The following ANKRD18B variants were observed in gnomAD, a reference collection of about 807,000 sequenced individuals.
ANKRD18B encodes the protein ankyrin repeat domain 18B.
Under a neutral mutation model 111.8 loss-of-function variants are expected in ANKRD18B, and 75 were observed. The ratio of observed to expected loss-of-function variants is 0.67; its 90% CI spans 0.56 to 0.81. The LOEUF (loss-of-function observed/expected upper bound fraction) is 0.81, where lower values mean the gene tolerates loss of function less well. ANKRD18B is among the 40% of genes least tolerant of loss of function. The pLI, the probability that ANKRD18B is intolerant of heterozygous loss-of-function variation, is 0.00. For synonymous variants in ANKRD18B, 356 were observed against 417.3 expected (o/e 0.85, Z 1.79); for missense variants, 1,038 against 1,225.5 (o/e 0.85, Z 2.28).
chr9:33,535,806 A>T (rs1828190932), intron 5 of ANKRD18B, among the ~76,000 whole-genome samples: 1 of 144,426 alleles, frequency 6.9e-6, no homozygotes, highest in Non-Finnish European at 1.5e-5. Context: ...ATTATAGATT[A>T]TATAATCTAT....
chr9:33,562,624 G>A (rs1360333482), intron 14 of ANKRD18B, among the ~76,000 whole-genome samples: 1 of 152,180 alleles, frequency 6.6e-6, no homozygotes, highest in Non-Finnish European at 1.5e-5. Context: ...AAATTTCAGA[G>A]CCAAGTTGTG....
intron 10 of ANKRD18B, among the ~76,000 whole-genome samples, chr9:33,545,091 T>C (rs773861367): frequency 6.6e-6 from 1 of 152,202 alleles, no homozygotes; most frequent in Non-Finnish European, 1.5e-5. Flanking sequence ...GGTCTTATCG[T>C]TGCATTTATA....
rs1443928941 is a variant in ANKRD18B, at chr9:33,567,315, G to A, written c.2954+1G>A. 3 of 1,539,566 alleles carry A rather than the reference G, an allele frequency of 1.9e-6. No individual in the cohort carries two copies. The highest frequency in any genetic ancestry group is 2.6e-6 in the Non-Finnish European group (3 of 1,143,806). ...GTTCCATGTCAGAAAAAATAACGAAGTAAGTCAAAACATATACTCATAGAA... is the reference window on the plus strand; with the variant it reads ...GTTCCATGTCAGAAAAAATAACGAAATAAGTCAAAACATATACTCATAGAA... On this transcript the variant is annotated splice_donor_variant, in intron 16 of 18. Coordinates refer to ENST00000684830, the MANE Select transcript of ANKRD18B (RefSeq NM_001393611.1). LOFTEE classifies it high-confidence loss of function.
downstream of ANKRD18B, among the ~76,000 whole-genome samples, chr9:33,574,741 T>TACAC (rs1447127366): frequency 2.6e-5 from 4 of 152,112 alleles, no homozygotes; most frequent in African/African-American, 9.7e-5. Context: ...CACCCATATG[T>TACAC]ACAGACACAC....
At chr9:33,570,656 T>G (rs1020190725) in intron 17 of ANKRD18B, among the ~76,000 whole-genome samples, 1 of 150,076 alleles carries the variant, frequency 6.7e-6, no homozygotes, top group Non-Finnish European at 1.5e-5. Context: ...TTTTTTTTTT[T>G]GAGATGGAGT....
At chr9:33,529,257 A>G in intron 3 of ANKRD18B, 84 bp downstream of exon 3, 1 of 1,453,122 alleles carries the variant, frequency 6.9e-7, no homozygotes, top group Non-Finnish European at 9.1e-7. Context: ...TTGGAACTCA[A>G]GTATTCCTGA....
At chr9:33,564,848 CT>C (rs1828662223) in intron 14 of ANKRD18B, among the ~76,000 whole-genome samples, 1 of 150,970 alleles carries the variant, frequency 6.6e-6, no homozygotes, top group Non-Finnish European at 1.5e-5. Flanking sequence ...TCTTTTTTTT[CT>C]CTTAAAAAAA....
chr9:33,571,023 C>T lies in ANKRD18B; in HGVS notation c.3178-223C>T, dbSNP rs1174144525. Among the ~76,000 whole-genome samples, 3 of 152,100 alleles carry T rather than the reference C, an allele frequency of 2.0e-5. No homozygotes were observed. The East Asian group carries it at 5.8e-4, about 29-fold the overall frequency. On this transcript the variant is annotated intron_variant, in intron 17 of 18. Transcript: ENST00000684830. ...AATATTATCTATTTTTGTCAGATTA[C>T]TCTAAACAGCATTACACAGATACAT...
intron 5 of ANKRD18B, among the ~76,000 whole-genome samples, chr9:33,535,932 T>A (rs571088071): frequency 1.2e-3 from 181 of 151,734 alleles, no homozygotes; most frequent in Middle Eastern, 3.4e-3. Context: ...GGATGTTACA[T>A]GCAAATATGT....
intron 10 of ANKRD18B, among the ~76,000 whole-genome samples, chr9:33,546,485 G>C (rs1157051710): frequency 1.3e-5 from 2 of 152,030 alleles, no homozygotes; most frequent in Non-Finnish European, 2.9e-5. Flanking sequence ...TAACTCCTCA[G>C]CCAAAAATTT....
chr9:33,526,862 T>G (rs1243400194), intron 1 of ANKRD18B, among the ~76,000 whole-genome samples: 4 of 152,324 alleles, frequency 2.6e-5, no homozygotes, highest in Non-Finnish European at 5.9e-5. Context: ...CAAATATTAT[T>G]ACTATCACAA....
Position 33,567,295 on chromosome 9 carries a change from A to G in ANKRD18B, c.2935A>G (p.Met979Val). ...AGTAGCATTGAAAGCTAACAGTTCC[A>G]TGTCAGAAAAAATAACGAAGTAAGT... is the stretch of plus-strand genomic sequence containing the variant. Reference protein sequence around the residue: ...FAVALKANSSMSEKITKSDKK... With the variant: ...FAVALKANSSVSEKITKSDKK... The change falls in exon 16 of 19, where the codon ATG (methionine) becomes GTG (valine). Residue 979 changes from methionine to valine, a missense_variant. Transcript: ENST00000684830. 1 of 1,542,082 alleles carries G rather than the reference A, an allele frequency of 6.5e-7. No individual in the cohort carries two copies. Among genetic ancestry groups the G allele is most frequent in the Non-Finnish European group, 8.7e-7 (1 of 1,144,536 alleles).
intron 17 of ANKRD18B, chr9:33,569,102 T>C: frequency 2.2e-6 from 1 of 453,378 alleles, no homozygotes; most frequent in Non-Finnish European, 3.7e-6. Flanking sequence ...TTGCTAACTT[T>C]ATTCAATAAA....
At chr9:33,554,570 A>C (rs1275869410) in intron 12 of ANKRD18B, among the ~76,000 whole-genome samples, 2 of 152,178 alleles carry the variant, frequency 1.3e-5, no homozygotes, top group African/African-American at 4.8e-5. Flanking sequence ...TGAGAGGCCG[A>C]GGAGGGCAGA....
At chr9:33,529,542 T>C (rs1185639711) in intron 3 of ANKRD18B, among the ~76,000 whole-genome samples, 2 of 152,180 alleles carry the variant, frequency 1.3e-5, no homozygotes, top group East Asian at 3.8e-4. Context: ...AATAGAAGTA[T>C]TGCTGCTGAT....
intron 13 of ANKRD18B, among the ~76,000 whole-genome samples, chr9:33,556,545 T>G (rs1189092918): frequency 6.6e-6 from 1 of 152,214 alleles, no homozygotes; most frequent in Non-Finnish European, 1.5e-5. Flanking sequence ...GCCACTGCGC[T>G]TAGCAATGTA....
chr9:33,540,707 C>G (rs113603523), intron 8 of ANKRD18B, among the ~76,000 whole-genome samples: 126 of 151,912 alleles, frequency 8.3e-4, no homozygotes, highest in African/African-American at 3.0e-3. Context: ...GCCATGTGGT[C>G]TCTCTCTCTC....
At position 33,539,350 on chromosome 9, in the gene ANKRD18B, T is replaced by C. The variant is rs188219877; in HGVS notation, c.809-99T>C. Reference sequence around the variant, plus strand: ...AGTCTTCTAAAATGTGGGTAGGATTTAGGGTAAGCGTGCAGAGTGAGTGGA... The same window carrying C: ...AGTCTTCTAAAATGTGGGTAGGATTCAGGGTAAGCGTGCAGAGTGAGTGGA... On this transcript the variant is annotated intron_variant, in intron 6 of 18. Transcript: ENST00000684830. 8.1e-4 allele frequency: 132 copies of C among 162,372 alleles called. 2 individuals are homozygous for C. Among genetic ancestry groups the C allele is most frequent in the Middle Eastern group, 3.4e-3 (1 of 294 alleles). 10.1% of individuals were successfully genotyped at this position (162,372 alleles called of 1,614,324 possible).
chr9:33,526,644 T>A (rs1285717757), intron 1 of ANKRD18B, among the ~76,000 whole-genome samples: 1 of 151,988 alleles, frequency 6.6e-6, no homozygotes, highest in Non-Finnish European at 1.5e-5. Flanking sequence ...TTTCTCACTA[T>A]TTTTTATCAT....
Sources: gnomAD v4.1 joint callset for allele counts (sites outside exome capture counted in the v4.1 genomes callset) on GRCh38, gnomAD v4.1.1 for gene constraint, MANE v1.5 for transcripts, NCBI Gene and HGNC (gene_info 2026-07-23, HGNC 2026-07-21) for gene names.